Variants in AGBL4 observed in about 807,000 individuals in gnomAD.
AGBL4 encodes the protein AGBL carboxypeptidase 4, also known as cytosolic carboxypeptidase 6.
In AGBL4, 58 loss-of-function variants were observed where a neutral mutation model predicts 66.4. The observed-to-expected ratio is 0.87, with a 90% CI of 0.71 to 1.09. The LOEUF (loss-of-function observed/expected upper bound fraction) is 1.09, where lower values mean the gene tolerates loss of function less well. AGBL4 is among the 50% of genes least tolerant of loss of function. The probability of loss-of-function intolerance (pLI) is 0.00; values close to 1 mark genes in which losing one functional copy is unlikely to be tolerated. For synonymous variants in AGBL4, 234 were observed against 222.9 expected (o/e 1.05, Z -0.44); for missense variants, 579 against 631.0 (o/e 0.92, Z 0.88).
At chr1:49,986,888 G>A (rs1248534033) in intron 1 of AGBL4, among the ~76,000 whole-genome samples, 1 of 151,956 alleles carries the variant, frequency 6.6e-6, no homozygotes, top group Non-Finnish European at 1.5e-5. Flanking sequence ...TTTATACCAT[G>A]AGTTATCTGT....
rs1182355301 is a variant in AGBL4, at chr1:49,875,500, G to A, written c.35-23982C>T. Among the ~76,000 whole-genome samples, 15 of 145,260 alleles carry A rather than the reference G, an allele frequency of 1.0e-4. No individual in the cohort carries two copies. The East Asian group carries it at 3.0e-3, about 29-fold the overall frequency. ...AGGACATGAACTCATCATTTTTTAT[G>A]GCTGCATAGTATTCTATGGTGTATA... On this transcript the variant is annotated intron_variant, in intron 1 of 13. Transcript: ENST00000371839.
At chr1:48,833,986 A>G (rs1331570090) in intron 6 of AGBL4, among the ~76,000 whole-genome samples, 5 of 152,058 alleles carry the variant, frequency 3.3e-5, no homozygotes, top group Non-Finnish European at 7.4e-5. Flanking sequence ...CCTGCCCAGT[A>G]CCTTAGGGGC....
intron 6 of AGBL4, among the ~76,000 whole-genome samples, chr1:48,776,098 G>A (rs1327972750): frequency 6.6e-6 from 1 of 152,158 alleles, no homozygotes; most frequent in African/African-American, 2.4e-5. Flanking sequence ...TGTGAGGAGG[G>A]ACTCCCACCT....
chr1:48,650,540 G>A (rs1049166087), intron 8 of AGBL4, among the ~76,000 whole-genome samples: 5 of 139,090 alleles, frequency 3.6e-5, no homozygotes, highest in East Asian at 2.1e-4. Flanking sequence ...CTCCCCCACC[G>A]CCACCTTTTC....
chr1:49,742,452 A>G (rs1478272933), intron 2 of AGBL4, among the ~76,000 whole-genome samples: 2 of 152,092 alleles, frequency 1.3e-5, no homozygotes, highest in Non-Finnish European at 2.9e-5. Flanking sequence ...GGAAGAATCA[A>G]TATCATGAAA....
chr1:49,955,547 A>T (rs1656525701), intron 1 of AGBL4, among the ~76,000 whole-genome samples: 1 of 151,896 alleles, frequency 6.6e-6, no homozygotes, highest in Non-Finnish European at 1.5e-5. Context: ...ATAAATAGTT[A>T]AAGAATCATT....
At chr1:49,866,909 G>A (rs994087936) in intron 1 of AGBL4, among the ~76,000 whole-genome samples, 7 of 151,832 alleles carry the variant, frequency 4.6e-5, no homozygotes, top group African/African-American at 1.5e-4. Flanking sequence ...TGTTCTTGGC[G>A]TGGGTCTCTG....
intron 6 of AGBL4, among the ~76,000 whole-genome samples, chr1:48,719,704 T>C (rs566223616): frequency 2.9e-4 from 44 of 152,358 alleles, no homozygotes; most frequent in South Asian, 2.5e-3. Context: ...TAAACACTTA[T>C]GTAGTGCTTT....
intron 5 of AGBL4, among the ~76,000 whole-genome samples, chr1:48,959,906 A>T (rs906489133): frequency 7.2e-5 from 11 of 152,200 alleles, no homozygotes; most frequent in Non-Finnish European, 1.6e-4. Flanking sequence ...GAAGACTTTC[A>T]TGTTGTTTGT....
chr1:49,430,555 G>A (rs1446107775), intron 3 of AGBL4, among the ~76,000 whole-genome samples: 1 of 152,052 alleles, frequency 6.6e-6, no homozygotes, highest in Non-Finnish European at 1.5e-5. Context: ...ACTTTAGGTA[G>A]GAAACAGACA....
Position 48,802,499 on chromosome 1 carries a change from A to G in AGBL4, c.634+64692T>C, listed in dbSNP as rs1204752191. The stretch of plus-strand genomic sequence containing the variant: ...TTCCTTTCCTCTCAGTGTCCAGCAT[A>G]GGACCTGGTACATTGGAAGCTCTTG... On this transcript the variant is annotated intron_variant, in intron 6 of 13. Coordinates refer to ENST00000371839, the MANE Select transcript of AGBL4 (RefSeq NM_032785.4). 2.6e-5 allele frequency among the ~76,000 whole-genome samples: 4 copies of G among 152,184 alleles called. No homozygotes were observed. The East Asian group carries it at 7.7e-4, about 29-fold the overall frequency.
intron 6 of AGBL4, among the ~76,000 whole-genome samples, chr1:48,757,214 A>G (rs549900551): frequency 5.3e-5 from 8 of 152,344 alleles, no homozygotes; most frequent in African/African-American, 1.9e-4. Context: ...GGCATAGCAT[A>G]CAAAGCACAC....
chr1:50,011,245 A>C (rs548996265), intron 1 of AGBL4, among the ~76,000 whole-genome samples: 1 of 152,358 alleles, frequency 6.6e-6, no homozygotes, highest in East Asian at 1.9e-4. Context: ...GATATTTTTT[A>C]AAAGAAGAAA....
chr1:48,657,962 G>A (rs1467330718), intron 7 of AGBL4, among the ~76,000 whole-genome samples: 5 of 152,172 alleles, frequency 3.3e-5, no homozygotes, highest in Non-Finnish European at 7.3e-5. Context: ...TCCTCTCTTT[G>A]CCACTATATT....
chr1:49,925,700 G>A (rs1415856560), intron 1 of AGBL4, among the ~76,000 whole-genome samples: 1 of 152,208 alleles, frequency 6.6e-6, no homozygotes, highest in Non-Finnish European at 1.5e-5. Context: ...GCTGGCTGAA[G>A]AGCCCTTGGA....
intron 9 of AGBL4, among the ~76,000 whole-genome samples, chr1:48,633,079 C>T (rs1000814727): frequency 3.9e-5 from 6 of 151,914 alleles, no homozygotes; most frequent in Non-Finnish European, 5.9e-5. Flanking sequence ...GATGAGCTGG[C>T]GAAGGAAGCA....
At chr1:48,761,673 A>T (rs766231837) in intron 6 of AGBL4, among the ~76,000 whole-genome samples, 14 of 152,220 alleles carry the variant, frequency 9.2e-5, no homozygotes, top group Non-Finnish European at 1.5e-4. Flanking sequence ...GTGTTTGCTA[A>T]AAGCACTGTC....
intron 2 of AGBL4, among the ~76,000 whole-genome samples, chr1:49,839,999 A>G (rs998944824): frequency 1.2e-4 from 19 of 152,200 alleles, no homozygotes; most frequent in African/African-American, 4.1e-4. Context: ...GGGTGAGATT[A>G]TAGAGAGGAA....
intron 4 of AGBL4, among the ~76,000 whole-genome samples, chr1:49,089,758 A>G (rs937534161): frequency 1.3e-5 from 2 of 152,148 alleles, no homozygotes; most frequent in Non-Finnish European, 2.9e-5. Context: ...GGCCAGCATC[A>G]TCCTGGCCAC....
Sources: gnomAD v4.1 joint callset for allele counts (sites outside exome capture counted in the v4.1 genomes callset) on GRCh38, gnomAD v4.1.1 for gene constraint, MANE v1.5 for transcripts, NCBI Gene and HGNC (gene_info 2026-07-23, HGNC 2026-07-21) for gene names.